The following PSD3 variants were observed in gnomAD, a reference collection of about 807,000 sequenced individuals.
The protein encoded by PSD3 is PH and SEC7 domain-containing protein 3.
PSD3 carries 49 observed loss-of-function variants against 105.5 expected under a neutral mutation model. The ratio of observed to expected loss-of-function variants is 0.46; its 90% CI spans 0.37 to 0.59. The LOEUF is 0.59. Ranked by LOEUF, PSD3 falls within the 20% of genes least tolerant of loss-of-function variation. The probability of loss-of-function intolerance (pLI) is 0.00; values close to 1 mark genes in which losing one functional copy is unlikely to be tolerated. For synonymous variants in PSD3, 557 were observed against 457.8 expected (o/e 1.22, Z -2.77); for missense variants, 1,561 against 1,263.8 (o/e 1.24, Z -3.57).
intron 8 of PSD3, among the ~76,000 whole-genome samples, chr8:18,774,116 T>C (rs1376193502): frequency 6.6e-6 from 1 of 152,208 alleles, no homozygotes; most frequent in African/African-American, 2.4e-5. Flanking sequence ...TTTTCTTTTG[T>C]ATAGTCCTGA....
At chr8:18,972,052 T>C (rs549187422) in intron 1 of PSD3, among the ~76,000 whole-genome samples, 6 of 152,168 alleles carry the variant, frequency 3.9e-5, no homozygotes, top group Admixed American at 6.5e-5. Context: ...GAAGATTTAA[T>C]GCCTATCATC....
At chr8:18,744,173 A>G (rs1804803383) in intron 9 of PSD3, among the ~76,000 whole-genome samples, 1 of 152,226 alleles carries the variant, frequency 6.6e-6, no homozygotes, top group Non-Finnish European at 1.5e-5. Context: ...TATTTTATGA[A>G]GTATTTTTTA....
intron 2 of PSD3, among the ~76,000 whole-genome samples, chr8:18,935,770 A>C (rs2129469041): frequency 6.6e-6 from 1 of 152,264 alleles, no homozygotes; most frequent in East Asian, 1.9e-4. Context: ...TCTTATGAAA[A>C]CTGGTTAATT....
At chr8:18,943,642 T>C (rs1013554239) in intron 1 of PSD3, among the ~76,000 whole-genome samples, 1 of 152,082 alleles carries the variant, frequency 6.6e-6, no homozygotes, top group African/African-American at 2.4e-5. Flanking sequence ...AAGGAATGGT[T>C]ATCAAGCACT....
At chr8:18,780,261 T>A (rs895702975) in intron 8 of PSD3, among the ~76,000 whole-genome samples, 1 of 152,228 alleles carries the variant, frequency 6.6e-6, no homozygotes, top group African/African-American at 2.4e-5. Context: ...TCTGTTTGCA[T>A]GGATTATCTT....
At chr8:18,648,300 G>T (rs561610669) in intron 10 of PSD3, among the ~76,000 whole-genome samples, 4 of 152,300 alleles carry the variant, frequency 2.6e-5, no homozygotes, top group Admixed American at 2.6e-4. Context: ...GGACAATAAA[G>T]TCCAGGCTGT....
At chr8:18,994,834 T>C (rs1825988825) in intron 1 of PSD3, among the ~76,000 whole-genome samples, 1 of 151,662 alleles carries the variant, frequency 6.6e-6, no homozygotes, top group South Asian at 2.1e-4. Context: ...CAGGACAAGA[T>C]CTATGGTCTA....
intron 1 of PSD3, among the ~76,000 whole-genome samples, chr8:18,968,788 A>G (rs1447297890): frequency 2.0e-5 from 3 of 150,894 alleles, no homozygotes; most frequent in Non-Finnish European, 4.4e-5. Flanking sequence ...AGGCAGAAGA[A>G]TCGCTTGAAC....
intron 12 of PSD3, among the ~76,000 whole-genome samples, chr8:18,594,218 A>ATATATTATATAATATATATTAT (rs1803862622): frequency 6.3e-5 from 1 of 15,874 alleles, no homozygotes; most frequent in African/African-American, 1.9e-4. Context: ...ATATATTATT[A>ATATATTATATAATATATATTAT]TATATATTAT....
chr8:18,683,499 AAC>A (rs1358093313), intron 9 of PSD3, among the ~76,000 whole-genome samples: 1 of 152,070 alleles, frequency 6.6e-6, no homozygotes, highest in Non-Finnish European at 1.5e-5. Flanking sequence ...TGTGCCAAAC[AAC>A]AGTTTCCCAC....
At chr8:18,674,471 C>T (rs1298017849) in intron 9 of PSD3, among the ~76,000 whole-genome samples, 1 of 152,146 alleles carries the variant, frequency 6.6e-6, no homozygotes, top group African/African-American at 2.4e-5. Flanking sequence ...TGAAGGTCTA[C>T]GAATCCTACT....
chr8:19,055,628 C>A (rs1402541467), intron 1 of PSD3, among the ~76,000 whole-genome samples: 2 of 152,124 alleles, frequency 1.3e-5, no homozygotes, highest in Non-Finnish European at 1.5e-5. Context: ...TTTTTAAGGT[C>A]AAGATACCAA....
At chr8:18,554,313 A>C (rs987400450) in intron 15 of PSD3, among the ~76,000 whole-genome samples, 1 of 152,240 alleles carries the variant, frequency 6.6e-6, no homozygotes, top group African/African-American at 2.4e-5. Context: ...TTGCTTTTTG[A>C]GAACTCCCAT....
chr8:18,665,850 T>C (rs1648953830), intron 9 of PSD3, among the ~76,000 whole-genome samples: 1 of 152,090 alleles, frequency 6.6e-6, no homozygotes, highest in African/African-American at 2.4e-5. Context: ...GACCCAGTCT[T>C]AAAAAACAAA....
Position 18,794,031 on chromosome 8 carries a change from G to C in PSD3, c.2082+5264C>G, listed in dbSNP as rs1468593485. On this transcript the variant is annotated intron_variant, in intron 8 of 15. Coordinates refer to ENST00000327040, the MANE Select transcript of PSD3 (RefSeq NM_015310.4). ...CATAGGAGACTCCATTTTGTTATGT[G>C]CTAAGAAAAATTCTTCTGCCTTGAG... 3.3e-5 allele frequency among the ~76,000 whole-genome samples: 2 copies of C among 60,074 alleles called. 1 individual carries two copies. Among genetic ancestry groups the C allele is most frequent in the African/African-American group, 8.6e-5 (2 of 23,168 alleles). 39.4% of individuals were successfully genotyped at this position (60,074 alleles called of 152,430 possible).
intron 9 of PSD3, among the ~76,000 whole-genome samples, chr8:18,746,548 A>G (rs1320795726): frequency 6.6e-6 from 1 of 152,198 alleles, no homozygotes; most frequent in East Asian, 1.9e-4. Context: ...CCACCTTGCG[A>G]AGTGACCAAG....
In PSD3 at chr8:18,889,610, G is replaced by T. The variant is rs188511975; in HGVS notation, c.131-16877C>A. Among the ~76,000 whole-genome samples the T allele has an allele frequency of 3.2e-3, 490 of 152,098 alleles. 4 individuals are homozygous for T. Among genetic ancestry groups the T allele is most frequent in the African/African-American group, 0.012 (481 of 41,486 alleles). ...ACAAACAAACAAACAAACAATAAAG[G>T]CTCTGGGCCATGCTCCCCCATCTCC... On this transcript the variant is annotated intron_variant, in intron 2 of 15. Coordinates refer to ENST00000327040, the MANE Select transcript of PSD3 (RefSeq NM_015310.4).
rs190859593 is a variant in PSD3, at chr8:18,862,671, T to G, written c.1634+5003A>C. On this transcript the variant is annotated intron_variant, in intron 4 of 15. Coordinates refer to ENST00000327040, the MANE Select transcript of PSD3 (RefSeq NM_015310.4). ...CTAATGTCACATTATTTTAAATTAT[T>G]CTTTTAATATTTATATATTATATTA... Among the ~76,000 whole-genome samples, 98 of 151,678 alleles carry G rather than the reference T, an allele frequency of 6.5e-4. No homozygotes were observed. The Middle Eastern group carries it at 0.014, about 21-fold the overall frequency.
Position 18,867,912 on chromosome 8 carries a change from A to C in PSD3, c.1396T>G (p.Ser466Ala), listed in dbSNP as rs1421401950. Reference sequence around the variant, plus strand: ...AAGCTAAAATAGCTATCAGGCTCTGAGTATAATGTCTCCAGGGACTCTGCA... The same window carrying C: ...AAGCTAAAATAGCTATCAGGCTCTGCGTATAATGTCTCCAGGGACTCTGCA... ...YSAESLETLY[S>A]EPDSYFSFEM... The change falls in exon 4 of 16, where the codon TCA (serine) becomes GCA (alanine). Residue 466 changes from serine to alanine, a missense_variant. Ser to Ala is a moderately conservative substitution (Grantham distance 99). Coordinates refer to ENST00000327040, the MANE Select transcript of PSD3 (RefSeq NM_015310.4). 6.2e-7 allele frequency: 1 copy of C among 1,614,066 alleles called. No homozygotes were observed. Among genetic ancestry groups the C allele is most frequent in the Non-Finnish European group, 8.5e-7 (1 of 1,180,030 alleles).
Sources: allele counts gnomAD v4.1 joint callset (sites outside exome capture counted in the v4.1 genomes callset), GRCh38; gene constraint gnomAD v4.1.1; transcripts MANE v1.5; gene names NCBI Gene and HGNC (gene_info 2026-07-23, HGNC 2026-07-21).